Variants in CDH13 observed in about 807,000 individuals in gnomAD.
The protein encoded by CDH13 is cadherin 13.
In CDH13, 24 loss-of-function variants were observed where a neutral mutation model predicts 63.8. That is an observed-to-expected ratio of 0.38 (90% CI 0.27 to 0.53). The LOEUF (loss-of-function observed/expected upper bound fraction) is 0.53. Ranked by LOEUF, CDH13 falls within the 20% of genes least tolerant of loss-of-function variation. The pLI is 0.85. For synonymous variants in CDH13, 503 were observed against 355.3 expected (o/e 1.42, Z -4.67); for missense variants, 1,049 against 903.1 (o/e 1.16, Z -2.07).
intron 8 of CDH13, among the ~76,000 whole-genome samples, chr16:83,664,432 A>G (rs969765090): frequency 6.6e-6 from 1 of 151,944 alleles, no homozygotes; most frequent in African/African-American, 2.4e-5. Flanking sequence ...AAAACATTGA[A>G]TGAGCTTTAT....
rs2091943087 is a variant in CDH13 at position 83,399,951 on chromosome 16, A to G, written c.781+54945A>G. On this transcript the variant is annotated intron_variant, in intron 6 of 13. Transcript: ENST00000567109. Reference sequence around the variant, plus strand: ...TAAATAGGACATTATAAGAACAAACACCAAAAAACCACCTATGTGTTGCAA... The same window carrying G: ...TAAATAGGACATTATAAGAACAAACGCCAAAAAACCACCTATGTGTTGCAA... 2.6e-5 allele frequency among the ~76,000 whole-genome samples: 4 copies of G among 152,272 alleles called. No homozygotes were observed. The South Asian group carries it at 8.3e-4, about 32-fold the overall frequency.
At chr16:82,945,360 A>T (rs1312134374) in intron 2 of CDH13, among the ~76,000 whole-genome samples, 1 of 152,204 alleles carries the variant, frequency 6.6e-6, no homozygotes, top group Non-Finnish European at 1.5e-5. Flanking sequence ...TAGTTGGTCA[A>T]GCCTCAGTGT....
chr16:83,785,363 C>T (rs1049178374), intron 13 of CDH13, among the ~76,000 whole-genome samples: 2 of 152,162 alleles, frequency 1.3e-5, no homozygotes, highest in Admixed American at 6.5e-5. Flanking sequence ...CAAGGCAGCT[C>T]TCTGGGGCAT....
intron 3 of CDH13, among the ~76,000 whole-genome samples, chr16:83,042,657 T>C (rs1288073676): frequency 6.6e-6 from 1 of 152,188 alleles, no homozygotes; most frequent in African/African-American, 2.4e-5. Flanking sequence ...AACGGGTCTG[T>C]GGTGCCGAAA....
chr16:83,047,940 T>C lies in CDH13; in HGVS notation c.366+15722T>C, dbSNP rs1251074682. On this transcript the variant is annotated intron_variant, in intron 3 of 13. Transcript: ENST00000567109. The surrounding 1 kb of genome is among the most constrained non-coding windows in gnomAD (Gnocchi z 4.9). ...CCAGCACAGGGTCATACATCTAGAA[T>C]ATTTTGGAGACATATTTTTGCACTC... Among the ~76,000 whole-genome samples, 2 of 152,196 alleles carry C rather than the reference T, an allele frequency of 1.3e-5. No individual in the cohort carries two copies. The highest frequency in any genetic ancestry group is 4.8e-5 in the African/African-American group (2 of 41,446).
intron 5 of CDH13, among the ~76,000 whole-genome samples, chr16:83,227,770 G>A (rs1413799604): frequency 6.6e-6 from 1 of 152,164 alleles, no homozygotes; most frequent in Admixed American, 6.5e-5. Flanking sequence ...CAGCGTCCAC[G>A]CCAGGCAGTG....
chr16:83,247,462 G>A lies in CDH13; in HGVS notation c.636+29965G>A, dbSNP rs1304790564. On this transcript the variant is annotated intron_variant, in intron 5 of 13. Coordinates refer to ENST00000567109, the MANE Select transcript of CDH13 (RefSeq NM_001257.5). ...GTTATTTTTATTTCTGCTGAACTCT[G>A]TACATCCTGAGGATGAAGCCCATGC... 2.0e-5 allele frequency among the ~76,000 whole-genome samples: 3 copies of A among 149,728 alleles called. 1 individual carries two copies. The highest frequency in any genetic ancestry group is 6.5e-3 in the Middle Eastern group (2 of 310).
chr16:83,585,862 A>G (rs916128412), intron 7 of CDH13, among the ~76,000 whole-genome samples: 1 of 152,126 alleles, frequency 6.6e-6, no homozygotes, highest in Non-Finnish European at 1.5e-5. Context: ...GGAGGTGAAG[A>G]ATAGTACTGT....
At chr16:83,191,526 C>CATATATAT (rs763006044) in intron 4 of CDH13, among the ~76,000 whole-genome samples, 3 of 101,702 alleles carry the variant, frequency 2.9e-5, no homozygotes, top group South Asian at 3.5e-4. Context: ...CACACACACA[C>CATATATAT]ACACATATAT....
chr16:83,151,553 C>T (rs972380212), intron 4 of CDH13, among the ~76,000 whole-genome samples: 2 of 152,038 alleles, frequency 1.3e-5, no homozygotes, highest in Non-Finnish European at 2.9e-5. Flanking sequence ...TGGATTTGGA[C>T]AAGAAGTTCT....
chr16:82,786,520 T>C (rs532217145), intron 1 of CDH13, among the ~76,000 whole-genome samples: 2 of 151,170 alleles, frequency 1.3e-5, no homozygotes, highest in South Asian at 4.2e-4. Context: ...GTGTGTTTTA[T>C]TATACTTTAA....
chr16:83,457,839 C>T (rs1018209403), intron 6 of CDH13, among the ~76,000 whole-genome samples: 15 of 152,164 alleles, frequency 9.9e-5, no homozygotes, highest in African/African-American at 3.4e-4. Context: ...TGTCTCTCTC[C>T]CAGATTTCTG....
chr16:83,232,306 C>T (rs556743743), intron 5 of CDH13, among the ~76,000 whole-genome samples: 21 of 144,960 alleles, frequency 1.4e-4, no homozygotes, highest in Admixed American at 1.2e-3. Flanking sequence ...GAGCAGATCA[C>T]TTGAGGTCAG....
chr16:83,082,207 C>T (rs2033300464), intron 3 of CDH13, among the ~76,000 whole-genome samples: 2 of 152,306 alleles, frequency 1.3e-5, no homozygotes, highest in Admixed American at 6.5e-5. Context: ...CGTAACATTC[C>T]ACTCTGCCCT....
chr16:83,116,371 G>A (rs972055228), intron 3 of CDH13, among the ~76,000 whole-genome samples: 1 of 152,118 alleles, frequency 6.6e-6, no homozygotes, highest in Non-Finnish European at 1.5e-5. Flanking sequence ...GGTAGCTGGA[G>A]GCCTCAGCCT....
In CDH13 at chr16:83,232,295, C is replaced by T. The variant is rs537111160; in HGVS notation, c.636+14798C>T. On this transcript the variant is annotated intron_variant, in intron 5 of 13. Coordinates refer to ENST00000567109, the MANE Select transcript of CDH13 (RefSeq NM_001257.5). ...ATCTGAGTGCCTTGGGAAGCTGAGG[C>T]GAGCAGATCACTTGAGGTCAGGAGT... Among the ~76,000 whole-genome samples the T allele has an allele frequency of 3.7e-3, 541 of 146,990 alleles. 4 individuals are homozygous for T. The highest frequency in any genetic ancestry group is 6.3e-3 in the Admixed American group (93 of 14,690).
intron 6 of CDH13, among the ~76,000 whole-genome samples, chr16:83,453,842 G>GCCT (rs2072950320): frequency 6.6e-6 from 1 of 152,154 alleles, no homozygotes; most frequent in Non-Finnish European, 1.5e-5. Context: ...TCTGTTCAGG[G>GCCT]GACCATATGT....
At chr16:83,125,824 C>A (rs1225447130) in intron 4 of CDH13, among the ~76,000 whole-genome samples, 1 of 152,078 alleles carries the variant, frequency 6.6e-6, no homozygotes, top group Non-Finnish European at 1.5e-5. Flanking sequence ...GATAGGGCCC[C>A]CTAGGATGGT....
intron 7 of CDH13, among the ~76,000 whole-genome samples, chr16:83,517,356 A>C (rs373782950): frequency 2.0e-5 from 3 of 152,230 alleles, no homozygotes; most frequent in African/African-American, 7.2e-5. Flanking sequence ...GGCATAGCGC[A>C]ACAAAGTTTC....
Sources: allele counts gnomAD v4.1 joint callset (sites outside exome capture counted in the v4.1 genomes callset), GRCh38; gene constraint gnomAD v4.1.1; non-coding constraint Gnocchi (gnomAD v3.1); transcripts MANE v1.5; gene names NCBI Gene and HGNC (gene_info 2026-07-23, HGNC 2026-07-21).